CRIM1: variants seen among roughly 807,000 people sequenced by gnomAD.
CRIM1 encodes the protein cysteine rich transmembrane BMP regulator 1.
In CRIM1, 32 loss-of-function variants were observed where a neutral mutation model predicts 116.4. The ratio of observed to expected loss-of-function variants is 0.27; its 90% CI spans 0.21 to 0.37. CRIM1 has a LOEUF of 0.37. CRIM1 is among the 10% of genes least tolerant of loss of function. The pLI is 1.00. For missense variants in CRIM1, 1,331 were observed against 1,354.8 expected (o/e 0.98, Z 0.28); for synonymous variants, 590 against 509.2 (o/e 1.16, Z -2.13).
At chr2:36,527,130 ATTGT>A (rs1017322082) in intron 13 of CRIM1, among the ~76,000 whole-genome samples, 7 of 151,288 alleles carry the variant, frequency 4.6e-5, no homozygotes, top group East Asian at 1.9e-4. Flanking sequence ...ATTGTGGATG[ATTGT>A]TTGTGTTTAT....
chr2:36,487,068 A>G (rs1679875215), intron 7 of CRIM1, among the ~76,000 whole-genome samples: 1 of 152,194 alleles, frequency 6.6e-6, no homozygotes, highest in African/African-American at 2.4e-5. Flanking sequence ...TTGTCTACCC[A>G]GTAGAATTTA....
chr2:36,381,174 G>A (rs1303590824), intron 1 of CRIM1, among the ~76,000 whole-genome samples: 1 of 152,320 alleles, frequency 6.6e-6, no homozygotes, highest in East Asian at 1.9e-4. Flanking sequence ...TCTGGAATGT[G>A]GCACTCTGAC....
At chr2:36,403,739 A>T (rs922687051) in intron 2 of CRIM1, among the ~76,000 whole-genome samples, 1 of 152,084 alleles carries the variant, frequency 6.6e-6, no homozygotes, top group Non-Finnish European at 1.5e-5. Flanking sequence ...TGGGAGGATG[A>T]TAGGATATAT....
intron 2 of CRIM1, among the ~76,000 whole-genome samples, chr2:36,412,046 A>G (rs1673252760): frequency 2.0e-5 from 3 of 152,202 alleles, no homozygotes; most frequent in Admixed American, 6.5e-5. Context: ...TATGAGAGAT[A>G]AAGTCGAAAA....
chr2:36,515,718 G>A (rs1442039201), intron 11 of CRIM1, among the ~76,000 whole-genome samples: 1 of 152,152 alleles, frequency 6.6e-6, no homozygotes, highest in Non-Finnish European at 1.5e-5. Context: ...TTTGCCTTGA[G>A]GCATATCGTA....
chr2:36,463,707 C>T (rs539033423), intron 4 of CRIM1, among the ~76,000 whole-genome samples: 4 of 152,270 alleles, frequency 2.6e-5, no homozygotes, highest in South Asian at 2.1e-4. Context: ...TTCACCTGCC[C>T]GTATTTGCCA....
Position 36,356,330 on chromosome 2 carries a change from G to C in CRIM1, c.38G>C (p.Cys13Ser), listed in dbSNP as rs1572537643. 4 of 1,581,406 alleles carry C rather than the reference G, an allele frequency of 2.5e-6. No homozygotes were observed. The highest frequency in any genetic ancestry group is 1.8e-5 in the Admixed American group (1 of 56,516). ...GCGGGGGACAGGGGGTTGGCCGGCT[G>C]CGGGCACCTCCTGGTCTCGCTGCTG... ...LVAGDRGLAG[C>S]GHLLVSLLGL... is the part of the protein sequence containing the mutation. The change falls in exon 1 of 17, where the codon TGC (cysteine) becomes TCC (serine). Residue 13 changes from cysteine (C) to serine (S), a missense_variant. Physicochemically the swap from Cys to Ser is moderately radical, Grantham distance 112 (BLOSUM62 -1). Transcript: ENST00000280527. This position sits in a 1 kb window ranked among gnomAD's most constrained non-coding sequence, Gnocchi z 4.3.
At chr2:36,499,196 T>A (rs1680811821) in intron 7 of CRIM1, 23 bp from the exon 8 acceptor site, 1 of 1,585,728 alleles carries the variant, frequency 6.3e-7, no homozygotes, top group Non-Finnish European at 8.6e-7. Flanking sequence ...TCATTGGTTA[T>A]TTTTTTCTCT....
At chr2:36,437,680 T>G (rs1467140671) in intron 2 of CRIM1, among the ~76,000 whole-genome samples, 2 of 152,220 alleles carry the variant, frequency 1.3e-5, no homozygotes, top group Non-Finnish European at 2.9e-5. Flanking sequence ...GCCGTCAAAC[T>G]CTGATCGACT....
At chr2:36,497,883 G>C (rs1558371236) in intron 7 of CRIM1, among the ~76,000 whole-genome samples, 1 of 152,128 alleles carries the variant, frequency 6.6e-6, no homozygotes, top group Admixed American at 6.6e-5. Context: ...TCTCTTCCCT[G>C]GTAACAGGAG....
chr2:36,512,159 G>A (rs540765678), intron 9 of CRIM1, 114 bp from the exon 10 acceptor site: 3 of 1,277,374 alleles, frequency 2.3e-6, no homozygotes, highest in East Asian at 4.8e-5. Context: ...GAGAGCAAAA[G>A]TCAAGTCATT....
chr2:36,513,398 C>T (rs1664817647), intron 10 of CRIM1, 158 bp from the exon 11 acceptor site: 1 of 611,956 alleles, frequency 1.6e-6, no homozygotes, highest in Non-Finnish European at 2.9e-6. Flanking sequence ...TGAGAACATA[C>T]TGACTTAAAT....
chr2:36,406,737 T>G (rs534248657), intron 2 of CRIM1, among the ~76,000 whole-genome samples: 1 of 152,198 alleles, frequency 6.6e-6, no homozygotes, highest in Admixed American at 6.5e-5. Flanking sequence ...TTCAGGACTT[T>G]CATGTGTACA....
chr2:36,512,512 G>C, intron 10 of CRIM1, 118 bp downstream of exon 10: 1 of 1,123,134 alleles, frequency 8.9e-7, no homozygotes, highest in Non-Finnish European at 1.3e-6. Flanking sequence ...TAACACAAAT[G>C]TCAGTCTCTG....
intron 4 of CRIM1, among the ~76,000 whole-genome samples, chr2:36,453,705 A>G (rs711254): frequency 0.76 from 115,542 of 152,196 alleles, 44,421 homozygotes; most frequent in East Asian, 0.89. Context: ...AGGGAAGGCA[A>G]ATATGTATAA....
intron 1 of CRIM1, among the ~76,000 whole-genome samples, chr2:36,381,368 C>T (rs10198159): frequency 0.21 from 32,342 of 152,134 alleles, 4,213 homozygotes; most frequent in South Asian, 0.33. Context: ...GGCAGGGAGC[C>T]GGCAGGTTTC....
At chr2:36,469,843 G>T (rs1228320651) in intron 5 of CRIM1, among the ~76,000 whole-genome samples, 4 of 152,106 alleles carry the variant, frequency 2.6e-5, no homozygotes, top group Admixed American at 1.3e-4. Flanking sequence ...AGCTAATTTT[G>T]TTAAAGAGTG....
chr2:36,492,259 C>G (rs1259473055), intron 7 of CRIM1, among the ~76,000 whole-genome samples: 1 of 152,120 alleles, frequency 6.6e-6, no homozygotes, highest in Admixed American at 6.6e-5. Context: ...ATAAACTGCT[C>G]TGAGATAAGT....
rs959943614 is a variant in CRIM1 at position 36,394,615 on chromosome 2, T to C, written c.332-1999T>C. Reference sequence around the variant, plus strand: ...TGTATGTTGCTTCTCTCTGTCTATATATATAAAACATATATATATATCTTA... The same window carrying C: ...TGTATGTTGCTTCTCTCTGTCTATACATATAAAACATATATATATATCTTA... On this transcript the variant is annotated intron_variant, in intron 1 of 16. Coordinates refer to ENST00000280527, the MANE Select transcript of CRIM1 (RefSeq NM_016441.3). Among the ~76,000 whole-genome samples, 42 of 151,904 alleles carry C rather than the reference T, an allele frequency of 2.8e-4. 1 individual carries two copies. Among genetic ancestry groups the C allele is most frequent in the Non-Finnish European group, 4.6e-4 (31 of 67,946 alleles).
Sources: gnomAD v4.1 joint callset for allele counts (sites outside exome capture counted in the v4.1 genomes callset) on GRCh38, gnomAD v4.1.1 for gene constraint, Gnocchi (gnomAD v3.1) non-coding constraint, MANE v1.5 for transcripts, NCBI Gene and HGNC (gene_info 2026-07-23, HGNC 2026-07-21) for gene names.